MARCHF2: variants seen among roughly 807,000 people sequenced by gnomAD.
MARCHF2 encodes the protein membrane associated ring-CH-type finger 2, also known as E3 ubiquitin-protein ligase MARCHF2.
A neutral mutation model predicts 24.0 loss-of-function variants in MARCHF2; 22 were observed. The observed-to-expected ratio is 0.92, with a 90% CI of 0.66 to 1.31. The LOEUF (loss-of-function observed/expected upper bound fraction) is 1.31. Among genes scored for constraint, MARCHF2 ranks in the 50% most tolerant of loss-of-function variants. The pLI, the probability that MARCHF2 is intolerant of heterozygous loss-of-function variation, is 0.00. For missense variants in MARCHF2, 301 were observed against 335.3 expected, an observed-to-expected ratio of 0.90 and a Z score of 0.80; for synonymous variants, 154 against 153.0, an observed-to-expected ratio of 1.01 and a Z score of -0.05.
At chr19:8,424,733 T>A (rs1322310833) in intron 2 of MARCHF2, among the ~76,000 whole-genome samples, 1 of 152,032 alleles carries the variant, frequency 6.6e-6, no homozygotes, top group Non-Finnish European at 1.5e-5. Flanking sequence ...GCTGGCATCA[T>A]TCACAGGCTC....
At chr19:8,437,717 A>C in intron 4 of MARCHF2, among the ~76,000 whole-genome samples, 1 of 137,364 alleles carries the variant, frequency 7.3e-6, no homozygotes, top group Non-Finnish European at 1.5e-5. Context: ...TTCTGGTTGC[A>C]CGTTTTGGCA....
At chr19:8,438,355 G>A (rs1409622426) in intron 4 of MARCHF2, 33 bp from the exon 5 acceptor site, 7 of 1,608,022 alleles carry the variant, frequency 4.4e-6, no homozygotes, top group Non-Finnish European at 5.9e-6. Flanking sequence ...CTTGCGGGTG[G>A]AGGCCTCCGC....
Position 8,415,974 on chromosome 19 carries a change from GC to G in MARCHF2, c.-53+2555del, listed in dbSNP as rs541673403. On this transcript the variant is annotated intron_variant, in intron 1 of 4. Coordinates refer to ENST00000215555, the MANE Select transcript of MARCHF2 (RefSeq NM_001005415.2). ...AATATCTCTGATGCCCACCACAGGG[GC>G]TGGCCGACCAGGATCGGAGGGTCAA... is the stretch of plus-strand genomic sequence containing the variant. Among the ~76,000 whole-genome samples, 18 of 152,148 alleles carry G rather than the reference GC, an allele frequency of 1.2e-4. No individual in the cohort carries two copies. The East Asian group carries it at 3.5e-3, about 29-fold the overall frequency.
At chr19:8,427,987 A>G (rs916395875) in intron 3 of MARCHF2, among the ~76,000 whole-genome samples, 3 of 143,626 alleles carry the variant, frequency 2.1e-5, no homozygotes, top group African/African-American at 5.1e-5. Flanking sequence ...TGGGCTGGGC[A>G]CGGTGGCTCA....
At chr19:8,424,719 C>T (rs543833190) in intron 2 of MARCHF2, among the ~76,000 whole-genome samples, 33 of 152,154 alleles carry the variant, frequency 2.2e-4, no homozygotes, top group African/African-American at 7.2e-4. Context: ...CTGCTCTCCT[C>T]TGTGCTGGCA....
At chr19:8,425,549 T>G (rs1365636232) in intron 2 of MARCHF2, among the ~76,000 whole-genome samples, 1 of 151,788 alleles carries the variant, frequency 6.6e-6, no homozygotes, top group Admixed American at 6.6e-5. Flanking sequence ...CCCGGCCTGG[T>G]GTTCTGACTG....
chr19:8,417,917 C>T (rs1173401076), intron 1 of MARCHF2, among the ~76,000 whole-genome samples: 2 of 151,604 alleles, frequency 1.3e-5, no homozygotes, highest in Non-Finnish European at 2.9e-5. Context: ...CATGCGCCAA[C>T]ATGCCTGGCT....
chr19:8,415,728 A>AAAAAAAAAAC (rs1967061802), intron 1 of MARCHF2, among the ~76,000 whole-genome samples: 1 of 95,548 alleles, frequency 1.0e-5, no homozygotes, highest in Non-Finnish European at 2.1e-5. Flanking sequence ...TCTCAAAAAA[A>AAAAAAAAAAC]AAAAAACAAA....
chr19:8,435,889 C>A (rs1967707289), intron 4 of MARCHF2, among the ~76,000 whole-genome samples: 1 of 147,136 alleles, frequency 6.8e-6, no homozygotes, highest in South Asian at 2.2e-4. Context: ...TAGGATTGTT[C>A]TTTGTCACCC....
At chr19:8,415,735 C>CAAA (rs1230223487) in intron 1 of MARCHF2, among the ~76,000 whole-genome samples, 1 of 96,730 alleles carries the variant, frequency 1.0e-5, no homozygotes, top group South Asian at 3.3e-4. Context: ...AAAAAAAAAA[C>CAAA]AAAAAAAACA....
chr19:8,420,535 CAAAAAAAAAAAA>C (rs767779814), intron 1 of MARCHF2, among the ~76,000 whole-genome samples: 1 of 66,786 alleles, frequency 1.5e-5, no homozygotes, highest in Non-Finnish European at 3.4e-5. Flanking sequence ...AACTCTGTCT[CAAAAAAAAAAAA>C]AAAAAAAAGA....
At chr19:8,426,086 C>T (rs566363128) in intron 2 of MARCHF2, among the ~76,000 whole-genome samples, 1 of 151,814 alleles carries the variant, frequency 6.6e-6, no homozygotes, top group African/African-American at 2.4e-5. Flanking sequence ...ACACAATTAG[C>T]CGGGCGTGGT....
chr19:8,432,732 A>G (rs1035338481), intron 4 of MARCHF2, among the ~76,000 whole-genome samples: 49 of 152,036 alleles, frequency 3.2e-4, no homozygotes, highest in African/African-American at 1.2e-3. Flanking sequence ...TTGAGGCTGC[A>G]GTGAGCTGTG....
intron 4 of MARCHF2, among the ~76,000 whole-genome samples, chr19:8,437,386 C>G (rs1285707554): frequency 2.4e-5 from 3 of 124,732 alleles, no homozygotes; most frequent in Non-Finnish European, 3.2e-5. Context: ...GAGTCTCGCT[C>G]TGTCGCCCAG....
Position 8,430,792 on chromosome 19 carries a change from C to G in MARCHF2, c.507C>G (p.Leu169=), listed in dbSNP as rs1967561217. The change falls in exon 4 of 5, where the codon CTC becomes CTG. Residue 169 remains leucine, a synonymous_variant. Coordinates refer to ENST00000215555, the MANE Select transcript of MARCHF2 (RefSeq NM_001005415.2). This position sits in a 1 kb window ranked among gnomAD's most constrained non-coding sequence, Gnocchi z 4.4. ...GCGGGGCCCAGGACCACCTCCGGCT[C>G]CACAGCCAGCTGGAGGCCGTGGGTC... ...CLRGAQDHLR[L]HSQLEAVGLI... The G allele has an allele frequency of 2.5e-6, 4 of 1,610,970 alleles. No individual in the cohort carries two copies. In the African/African-American group the frequency reaches 5.3e-5, roughly 21 times the overall value.
rs530501237 is a variant in MARCHF2 at position 8,419,587 on chromosome 19, C to T, written c.-52-2202C>T. Among the ~76,000 whole-genome samples the T allele has an allele frequency of 1.6e-4, 24 of 151,164 alleles. 1 individual carries two copies. The South Asian group carries it at 4.4e-3, about 28-fold the overall frequency. On this transcript the variant is annotated intron_variant, in intron 1 of 4. Coordinates refer to ENST00000215555, the MANE Select transcript of MARCHF2 (RefSeq NM_001005415.2). ...ATCCCAGCACTTTGGGAGGCCGAGG[C>T]GGGCGGATCACGAGGTCAGGAGATC...
At position 8,413,306 on chromosome 19, in the gene MARCHF2, G is replaced by A. The variant is rs931086714; in HGVS notation, c.-167G>A. 6.6e-6 allele frequency: 1 copy of A among 151,992 alleles called. No individual in the cohort carries two copies. Among genetic ancestry groups the A allele is most frequent in the African/African-American group, 2.4e-5 (1 of 41,424 alleles). The allele number at this position is 151,992 out of a possible 1,614,324, so 9.4% of individuals were successfully genotyped here. ...CTGTCGGCTCGGCGGGCGGTGCCCG[G>A]ACGCAGGTGCCGGCCGGAGCGGAGC... is the stretch of plus-strand genomic sequence containing the variant. On this transcript the variant is annotated 5_prime_UTR_variant, in exon 1 of 5. Coordinates refer to ENST00000215555, the MANE Select transcript of MARCHF2 (RefSeq NM_001005415.2).
chr19:8,414,486 C>G (rs1013831732), intron 1 of MARCHF2, among the ~76,000 whole-genome samples: 4 of 152,268 alleles, frequency 2.6e-5, no homozygotes, highest in African/African-American at 9.6e-5. Context: ...CCAGGCTGGT[C>G]TCGAACTCCT....
chr19:8,428,341 A>G, intron 3 of MARCHF2, among the ~76,000 whole-genome samples: 1 of 149,572 alleles, frequency 6.7e-6, no homozygotes, highest in South Asian at 2.1e-4. Flanking sequence ...ACTGGCTTGA[A>G]CCCTAGGGAG....
Sources: gnomAD v4.1 joint callset for allele counts (sites outside exome capture counted in the v4.1 genomes callset) on GRCh38, gnomAD v4.1.1 for gene constraint, Gnocchi (gnomAD v3.1) non-coding constraint, MANE v1.5 for transcripts, NCBI Gene and HGNC (gene_info 2026-07-23, HGNC 2026-07-21) for gene names.